The following FBLIM1 variants were observed in gnomAD, a reference collection of about 807,000 sequenced individuals.
The protein encoded by FBLIM1 is filamin-binding LIM protein 1.
A neutral mutation model predicts 37.4 loss-of-function variants in FBLIM1; 29 were observed. The observed-to-expected ratio is 0.77, with a 90% confidence interval of 0.58 to 1.06. The LOEUF is 1.06. Among genes scored for constraint, FBLIM1 ranks in the 50% least tolerant of loss-of-function variants. The pLI is 0.00. For synonymous variants in FBLIM1, 193 were observed against 199.0 expected (o/e 0.97, Z 0.25); for missense variants, 449 against 505.6 (o/e 0.89, Z 1.07).
intron 6 of FBLIM1, among the ~76,000 whole-genome samples, chr1:15,773,085 G>A (rs192054021): frequency 1.3e-3 from 203 of 152,066 alleles, no homozygotes; most frequent in African/African-American, 4.4e-3. Flanking sequence ...CTTGCCTGGC[G>A]CATTTCTTCT....
chr1:15,763,460 A>G (rs74461452), intron 1 of FBLIM1, among the ~76,000 whole-genome samples: 51,127 of 150,226 alleles, frequency 0.34, 9,314 homozygotes, highest in African/African-American at 0.48. Context: ...GTGAAACCCC[A>G]TCACTACTAA....
chr1:15,757,209 C>A (rs1419153992), upstream of FBLIM1, among the ~76,000 whole-genome samples: 1 of 152,226 alleles, frequency 6.6e-6, no homozygotes, highest in African/African-American at 2.4e-5. The surrounding 1 kb of genome is among the most constrained non-coding windows in gnomAD (Gnocchi z 4.1). Context: ...CACCTCCAAG[C>A]CCCAGCTTCC....
At chr1:15,760,836 C>G (rs1008031341) in intron 1 of FBLIM1, among the ~76,000 whole-genome samples, 1 of 152,072 alleles carries the variant, frequency 6.6e-6, no homozygotes, top group African/African-American at 2.4e-5. Context: ...GCGGAGGGTC[C>G]CCTGGGCACA....
At position 15,778,420 on chromosome 1, in the gene FBLIM1, A is replaced by T. The variant is rs1433467742; in HGVS notation, c.1008+1133A>T. On this transcript the variant is annotated intron_variant, in intron 8 of 8. Transcript: ENST00000375766. Reference sequence around the variant, plus strand: ...TCTTAAAAATAAATAAATAAAAATAAAAAATAAATCAGCTTTGGGATAAAG... The same window carrying T: ...TCTTAAAAATAAATAAATAAAAATATAAAATAAATCAGCTTTGGGATAAAG... Among the ~76,000 whole-genome samples, 3 of 152,096 alleles carry T rather than the reference A, an allele frequency of 2.0e-5. No homozygotes were observed. The East Asian group carries it at 5.8e-4, about 29-fold the overall frequency.
At chr1:15,768,752 G>A in intron 5 of FBLIM1, 122 bp downstream of exon 5, 1 of 565,326 alleles carries the variant, frequency 1.8e-6, no homozygotes, top group Non-Finnish European at 2.9e-6. Flanking sequence ...TGTTAACAAT[G>A]ATGGGCTTTG....
At chr1:15,759,555 G>T (rs1362031565) in intron 1 of FBLIM1, among the ~76,000 whole-genome samples, 2 of 152,122 alleles carry the variant, frequency 1.3e-5, no homozygotes, top group South Asian at 4.2e-4. Flanking sequence ...CCCCAGCCGA[G>T]CCCAGCCCCC....
rs148132890 is a variant in FBLIM1 at position 15,778,546 on chromosome 1, T to G, written c.1008+1259T>G. Among the ~76,000 whole-genome samples the G allele has an allele frequency of 8.1e-4, 123 of 152,144 alleles. 1 individual carries two copies. The East Asian group carries it at 0.021, about 26-fold the overall frequency. ...AGGATGAGTAGGAGTTTGCCAGATA[T>G]TCATAGAGGGGAGAAGTCCAGAAAG... On this transcript the variant is annotated intron_variant, in intron 8 of 8. Transcript: ENST00000375766.
At chr1:15,768,492 G>GTGCA in intron 4 of FBLIM1, 36 bp from the exon 5 acceptor site, 1 of 1,410,476 alleles carries the variant, frequency 7.1e-7, no homozygotes, top group Non-Finnish European at 9.5e-7. Context: ...GCTGCATGGG[G>GTGCA]TCCCACTGGA....
upstream of FBLIM1, chr1:15,758,493 C>T (rs2068501152): frequency 6.6e-6 from 1 of 152,068 alleles, no homozygotes; most frequent in South Asian, 2.1e-4. The surrounding 1 kb of genome is among the most constrained non-coding windows in gnomAD (Gnocchi z 6.2). Flanking sequence ...TACCCCCACT[C>T]CCCATCCCTC....
intron 1 of FBLIM1, among the ~76,000 whole-genome samples, chr1:15,760,142 G>C (rs746027888): frequency 7.2e-5 from 11 of 152,024 alleles, no homozygotes; most frequent in Non-Finnish European, 1.5e-4. Flanking sequence ...AGAATCGCTT[G>C]AACCCAGGAG....
Position 15,765,000 on chromosome 1 carries a change from A to C in FBLIM1, c.17A>C (p.Glu6Ala). The change falls in exon 3 of 9, where the codon GAG becomes GCG. Residue 6 changes from glutamate (E) to alanine (A), a missense_variant. Physicochemically the swap from Glu to Ala is moderately radical, Grantham distance 107. Transcript: ENST00000375766. ...GCTGAAGCCATGGCCTCAAAGCCTG[A>C]GAAGAGGGTGGCATCGTCTGTCTTT... MASKP[E>A]KRVASSVFIT... 1 of 1,613,372 alleles carries C rather than the reference A, an allele frequency of 6.2e-7. No homozygotes were observed. The highest frequency in any genetic ancestry group is 8.5e-7 in the Non-Finnish European group (1 of 1,179,774).
In FBLIM1 at chr1:15,767,364, C is replaced by T; in HGVS notation, c.251-12C>T. 2 of 1,559,902 alleles carry T rather than the reference C, an allele frequency of 1.3e-6. No homozygotes were observed. The highest frequency in any genetic ancestry group is 1.7e-6 in the Non-Finnish European group (2 of 1,156,304). ...GAGGCTCTGACCAGCCCTCTCTCCT[C>T]CCCCATTGCAGGATGCCCACCCCCT... On this transcript the variant is annotated splice_polypyrimidine_tract_variant and intron_variant, in intron 3 of 8. Coordinates refer to ENST00000375766, the MANE Select transcript of FBLIM1 (RefSeq NM_017556.4).
At chr1:15,773,849 A>T (rs1251841475) in intron 6 of FBLIM1, among the ~76,000 whole-genome samples, 2 of 151,900 alleles carry the variant, frequency 1.3e-5, no homozygotes, top group Non-Finnish European at 2.9e-5. Context: ...TACTACCCAA[A>T]ATGTGTGAGG....
chr1:15,784,963 G>A lies in FBLIM1; in HGVS notation c.*302G>A. ...GTTGGACCCCTCTCACTGACTAGCTGTCTGGTAGGGGTGCTAGGACCAGCC... is the reference window on the plus strand; with the variant it reads ...GTTGGACCCCTCTCACTGACTAGCTATCTGGTAGGGGTGCTAGGACCAGCC... On this transcript the variant is annotated 3_prime_UTR_variant, in exon 9 of 9. Coordinates refer to ENST00000375766, the MANE Select transcript of FBLIM1 (RefSeq NM_017556.4). 1 of 287,054 alleles carries A rather than the reference G, an allele frequency of 3.5e-6. No homozygotes were observed. Among genetic ancestry groups the A allele is most frequent in the Non-Finnish European group, 6.6e-6 (1 of 150,464 alleles). 17.8% of individuals were successfully genotyped at this position (287,054 alleles called of 1,614,324 possible).
rs546857946 is a variant in FBLIM1 at position 15,765,160 on chromosome 1, G to T, written c.177G>T (p.Arg59Ser). The T allele has an allele frequency of 8.1e-6, 13 of 1,613,610 alleles. No homozygotes were observed. In the South Asian group the frequency reaches 1.3e-4, roughly 16 times the overall value. The change falls in exon 3 of 9, where the codon AGG becomes AGT. Residue 59 changes from arginine to serine, a missense_variant. By Grantham distance (110) the Arg-to-Ser change is moderately radical. Transcript: ENST00000375766. The surrounding 1 kb of genome is among the most constrained non-coding windows in gnomAD (Gnocchi z 5.9). The stretch of plus-strand genomic sequence containing the variant: ...CACCCGAGGCTGGCTTGGCGGGGAG[G>T]CCCAGCCCCTGGACAACCCCTGGCA... ...MKTPEAGLAGRPSPWTTPGRA... is the reference protein window; with the variant it reads ...MKTPEAGLAGSPSPWTTPGRA...
intron 1 of FBLIM1, among the ~76,000 whole-genome samples, chr1:15,762,042 C>T (rs1276940144): frequency 1.3e-5 from 2 of 151,998 alleles, no homozygotes; most frequent in Admixed American, 1.3e-4. Flanking sequence ...ATGTCCTTTT[C>T]CTGACATCAG....
intron 5 of FBLIM1, among the ~76,000 whole-genome samples, chr1:15,769,185 A>G (rs1348098133): frequency 6.6e-6 from 1 of 152,220 alleles, no homozygotes; most frequent in Admixed American, 6.5e-5. Flanking sequence ...CAGAATATAA[A>G]GTGGCTCCTG....
chr1:15,773,681 G>GA (rs35429082), intron 6 of FBLIM1, among the ~76,000 whole-genome samples: 9,573 of 106,900 alleles, frequency 0.09, 429 homozygotes, highest in Non-Finnish European at 0.11. Flanking sequence ...CTCCGTCTCA[G>GA]AAAAAAAAAA....
chr1:15,760,873 C>T (rs964312288), intron 1 of FBLIM1, among the ~76,000 whole-genome samples: 3 of 152,234 alleles, frequency 2.0e-5, no homozygotes, highest in Middle Eastern at 3.4e-3. Context: ...CCCCAGGGAA[C>T]TTACACACAG....
Sources: allele counts gnomAD v4.1 joint callset (sites outside exome capture counted in the v4.1 genomes callset), GRCh38; gene constraint gnomAD v4.1.1; non-coding constraint Gnocchi (gnomAD v3.1); transcripts MANE v1.5; gene names NCBI Gene and HGNC (gene_info 2026-07-23, HGNC 2026-07-21).